Variants in PCSK6 observed in about 807,000 individuals in gnomAD.
PCSK6 encodes paired basic amino acid cleaving enzyme 4.
In PCSK6, 85 loss-of-function variants were observed where a neutral mutation model predicts 123.3. The observed-to-expected ratio is 0.69, with a 90% confidence interval of 0.58 to 0.83. The LOEUF (loss-of-function observed/expected upper bound fraction) is 0.83. PCSK6 is among the 40% of genes least tolerant of loss of function. The pLI is 0.00. For missense variants in PCSK6, 1,191 were observed against 1,282.3 expected, an observed-to-expected ratio of 0.93 and a Z score of 1.09; for synonymous variants, 508 against 516.0, an observed-to-expected ratio of 0.98 and a Z score of 0.21.
At position 101,389,579 on chromosome 15, in the gene PCSK6, A is replaced by T. The variant is rs1474498283; in HGVS notation, c.1210-15T>A. Reference sequence around the variant, plus strand: ...TCCGTGGTGACCTGGGGGAGAGAGAAGCACAGTGAGGCAGTGATGGCAGAC... The same window carrying T: ...TCCGTGGTGACCTGGGGGAGAGAGATGCACAGTGAGGCAGTGATGGCAGAC... On this transcript the variant is annotated splice_polypyrimidine_tract_variant and intron_variant, in intron 8 of 21. Transcript: ENST00000611716. 6.3e-7 allele frequency: 1 copy of T among 1,596,352 alleles called. No homozygotes were observed. Among genetic ancestry groups the T allele is most frequent in the Non-Finnish European group, 8.6e-7 (1 of 1,166,038 alleles).
chr15:101,306,053 T>G (rs2039715661), intron 21 of PCSK6, among the ~76,000 whole-genome samples: 1 of 147,796 alleles, frequency 6.8e-6, no homozygotes, highest in Non-Finnish European at 1.5e-5. Context: ...AGGAAGACTG[T>G]AGGGGAGGCC....
At chr15:101,364,254 T>C (rs1055385638) in intron 13 of PCSK6, among the ~76,000 whole-genome samples, 1 of 152,144 alleles carries the variant, frequency 6.6e-6, no homozygotes, top group African/African-American at 2.4e-5. Flanking sequence ...AAAGCAAACC[T>C]TGAGGAAACT....
chr15:101,377,150 C>A (rs2041770760), intron 11 of PCSK6, among the ~76,000 whole-genome samples: 1 of 152,262 alleles, frequency 6.6e-6, no homozygotes, highest in Non-Finnish European at 1.5e-5. Context: ...CTCCTGGCCT[C>A]ACCAGCTTGC....
chr15:101,464,090 G>T (rs988938916), intron 1 of PCSK6, among the ~76,000 whole-genome samples: 2 of 152,136 alleles, frequency 1.3e-5, no homozygotes, highest in African/African-American at 2.4e-5. Flanking sequence ...CCCACCATCT[G>T]CAGAGACAAC....
chr15:101,394,405 G>A (rs2042339796), intron 7 of PCSK6, among the ~76,000 whole-genome samples: 1 of 152,166 alleles, frequency 6.6e-6, no homozygotes, highest in African/African-American at 2.4e-5. Flanking sequence ...TGACCACACT[G>A]AGAATCATTC....
intron 6 of PCSK6, among the ~76,000 whole-genome samples, chr15:101,406,106 ATCAACATGCAGCCGGCCCCAG>A (rs1037870798): frequency 6.6e-6 from 1 of 152,182 alleles, no homozygotes; most frequent in African/African-American, 2.4e-5. Context: ...AGGTGAACCT[ATCAACATGCAGCCGGCCCCAG>A]TCAGCACGAG....
At position 101,316,919 on chromosome 15, in the gene PCSK6, T is replaced by TTTTTTTTG. The variant is rs1202889434; in HGVS notation, c.2569+1399_2569+1400insCAAAAAAA. On this transcript the variant is annotated intron_variant, in intron 19 of 21. Transcript: ENST00000611716. ...GCAGAGACTTAATTCTGTTTTTTTT[T>TTTTTTTTG]TTTTTTTTTTGACAGAGTCTTACTC... is the stretch of plus-strand genomic sequence containing the variant. 2.4e-4 allele frequency among the ~76,000 whole-genome samples: 36 copies of TTTTTTTTG among 147,720 alleles called. 2 individuals are homozygous for TTTTTTTTG. The highest frequency in any genetic ancestry group is 9.3e-4 in the African/African-American group (36 of 38,536).
intron 2 of PCSK6, among the ~76,000 whole-genome samples, chr15:101,442,560 T>A (rs932771232): frequency 6.6e-6 from 1 of 152,128 alleles, no homozygotes; most frequent in Non-Finnish European, 1.5e-5. Flanking sequence ...AGAGCCCTGA[T>A]TGTCATTGAA....
intron 19 of PCSK6, among the ~76,000 whole-genome samples, chr15:101,316,808 G>T (rs1047395942): frequency 2.0e-5 from 3 of 152,188 alleles, no homozygotes; most frequent in African/African-American, 7.2e-5. Flanking sequence ...GGAGCTGCAT[G>T]GGGTGCTCAT....
At chr15:101,412,326 C>T (rs895676137) in intron 6 of PCSK6, among the ~76,000 whole-genome samples, 24 of 152,128 alleles carry the variant, frequency 1.6e-4, no homozygotes, top group African/African-American at 5.6e-4. Flanking sequence ...GACAGACAAT[C>T]ACCGATGCCA....
chr15:101,407,130 G>C (rs766098041), intron 6 of PCSK6, among the ~76,000 whole-genome samples: 7 of 152,260 alleles, frequency 4.6e-5, no homozygotes, highest in Non-Finnish European at 8.8e-5. Flanking sequence ...CCCCTGGCAA[G>C]ATACAGAGCA....
intron 8 of PCSK6, 59 bp from the exon 9 acceptor site, chr15:101,389,623 G>A: frequency 1.5e-6 from 2 of 1,348,772 alleles, no homozygotes; most frequent in East Asian, 2.3e-5. Flanking sequence ...TCACTCTGTG[G>A]AGAAGGCTGG....
chr15:101,321,888 A>G (rs2040131946), intron 18 of PCSK6, among the ~76,000 whole-genome samples: 2 of 152,276 alleles, frequency 1.3e-5, no homozygotes, highest in Non-Finnish European at 2.9e-5. Flanking sequence ...AGAATGTTCT[A>G]AGATTTTAGA....
chr15:101,423,226 T>C (rs2056141704), intron 6 of PCSK6, among the ~76,000 whole-genome samples: 2 of 151,406 alleles, frequency 1.3e-5, no homozygotes, highest in African/African-American at 4.9e-5. Flanking sequence ...AAGAGTCAAA[T>C]GGAAATCATA....
At chr15:101,369,682 C>G (rs2041516257) in intron 12 of PCSK6, among the ~76,000 whole-genome samples, 1 of 152,238 alleles carries the variant, frequency 6.6e-6, no homozygotes, top group South Asian at 2.1e-4. Context: ...ACCTGTAAGT[C>G]ATATATTTGC....
intron 1 of PCSK6, among the ~76,000 whole-genome samples, chr15:101,456,433 C>T (rs1163982384): frequency 6.6e-6 from 1 of 152,200 alleles, no homozygotes; most frequent in African/African-American, 2.4e-5. Context: ...TGCAGGTCTC[C>T]AGAGGCGTCT....
At chr15:101,472,766 G>A (rs144268594) in intron 1 of PCSK6, among the ~76,000 whole-genome samples, 98 of 152,344 alleles carry the variant, frequency 6.4e-4, no homozygotes, top group Admixed American at 2.5e-3. Context: ...CTTGGAATAA[G>A]AAAATAAATT....
At chr15:101,343,641 G>C (rs2040668367) in intron 13 of PCSK6, among the ~76,000 whole-genome samples, 1 of 151,986 alleles carries the variant, frequency 6.6e-6, no homozygotes, top group Admixed American at 6.6e-5. Flanking sequence ...CAAATGTATG[G>C]AAACTTTCTA....
At chr15:101,461,886 G>A (rs747652691) in intron 1 of PCSK6, among the ~76,000 whole-genome samples, 11 of 152,122 alleles carry the variant, frequency 7.2e-5, no homozygotes, top group African/African-American at 9.7e-5. Context: ...AACCCTGAAA[G>A]CACTCCCTTT....
Sources: gnomAD v4.1 joint callset for allele counts (sites outside exome capture counted in the v4.1 genomes callset) on GRCh38, gnomAD v4.1.1 for gene constraint, MANE v1.5 for transcripts, NCBI Gene and HGNC (gene_info 2026-07-23, HGNC 2026-07-21) for gene names.